The following PAQR5 variants were observed in gnomAD, a reference collection of about 807,000 sequenced individuals.
PAQR5 encodes membrane progestin receptor gamma.
A neutral mutation model predicts 34.5 loss-of-function variants in PAQR5; 20 were observed. The ratio of observed to expected loss-of-function variants is 0.58; its 90% confidence interval spans 0.41 to 0.84. The LOEUF (loss-of-function observed/expected upper bound fraction) is 0.84. PAQR5 is among the 40% of genes least tolerant of loss of function. The pLI, the probability that PAQR5 is intolerant of heterozygous loss-of-function variation, is 0.00. For missense variants in PAQR5, 378 were observed against 412.7 expected (o/e 0.92, Z 0.73); for synonymous variants, 131 against 155.6 (o/e 0.84, Z 1.18).
chr15:69,306,865 C>A (rs192119674), intron 1 of PAQR5, among the ~76,000 whole-genome samples: 2 of 152,298 alleles, frequency 1.3e-5, no homozygotes, highest in East Asian at 3.9e-4. Context: ...TGGCCCCTTG[C>A]AACCACCATC....
intron 1 of PAQR5, among the ~76,000 whole-genome samples, chr15:69,305,360 CCT>C (rs1337304090): frequency 6.6e-6 from 1 of 152,108 alleles, no homozygotes; most frequent in South Asian, 2.1e-4. Flanking sequence ...CTTTCCAGCC[CCT>C]GTTTCATGAA....
intron 2 of PAQR5, among the ~76,000 whole-genome samples, chr15:69,356,224 G>A (rs544255057): frequency 2.0e-5 from 3 of 152,280 alleles, no homozygotes; most frequent in South Asian, 2.1e-4. Flanking sequence ...TCTCTGGTGT[G>A]TTTGAGTTTC....
chr15:69,351,069 A>C (rs1217967244), intron 2 of PAQR5, among the ~76,000 whole-genome samples: 2 of 152,200 alleles, frequency 1.3e-5, no homozygotes, highest in African/African-American at 4.8e-5. Flanking sequence ...GGTCCAAGGG[A>C]ATAGACATAC....
rs546775181 is a variant in PAQR5 at position 69,393,675 on chromosome 15, G to A, written c.513-3793G>A. 2.0e-5 allele frequency among the ~76,000 whole-genome samples: 3 copies of A among 152,248 alleles called. No individual in the cohort carries two copies. In the South Asian group the frequency reaches 6.2e-4, roughly 32 times the overall value. On this transcript the variant is annotated intron_variant, in intron 6 of 8. Transcript: ENST00000395407. ...GGGAGAGAACCACCTTCCCCTCCAG[G>A]GAGGGGAAGACCTCCTGGGGGAGAC...
chr15:69,326,869 A>C (rs1484326741), intron 1 of PAQR5, among the ~76,000 whole-genome samples: 3 of 151,052 alleles, frequency 2.0e-5, no homozygotes, highest in African/African-American at 7.3e-5. Context: ...ATGATGAACA[A>C]ACATGGATGC....
intron 3 of PAQR5, among the ~76,000 whole-genome samples, chr15:69,375,188 C>T (rs1342995468): frequency 6.6e-6 from 1 of 152,186 alleles, no homozygotes; most frequent in African/African-American, 2.4e-5. Context: ...AAGGTTTGGA[C>T]AGGGGCAGTT....
intron 2 of PAQR5, among the ~76,000 whole-genome samples, chr15:69,341,920 C>A (rs2054653760): frequency 1.1e-5 from 1 of 93,162 alleles, no homozygotes; most frequent in Non-Finnish European, 2.4e-5. Context: ...AGAGTGAGAC[C>A]CTGTCTCAAA....
intron 1 of PAQR5, among the ~76,000 whole-genome samples, chr15:69,317,738 C>T (rs1219449084): frequency 6.6e-6 from 1 of 152,108 alleles, no homozygotes; most frequent in Non-Finnish European, 1.5e-5. Flanking sequence ...TTGAAATGCA[C>T]CCGGGGTGCT....
chr15:69,326,436 C>CT (rs34210567), intron 1 of PAQR5, among the ~76,000 whole-genome samples: 3,368 of 131,670 alleles, frequency 0.026, 137 homozygotes, highest in African/African-American at 0.087. Context: ...AGCTCTTTGT[C>CT]TTTTTTTTTT....
intron 4 of PAQR5, among the ~76,000 whole-genome samples, chr15:69,383,589 G>A (rs1215525769): frequency 2.9e-5 from 4 of 137,526 alleles, no homozygotes; most frequent in Non-Finnish European, 3.1e-5. Context: ...TGTGCTCATG[G>A]TGGAGGGTGA....
At chr15:69,336,728 T>G (rs1445034221) in intron 1 of PAQR5, among the ~76,000 whole-genome samples, 1 of 152,214 alleles carries the variant, frequency 6.6e-6, no homozygotes, top group Non-Finnish European at 1.5e-5. Context: ...CAGAAAACTT[T>G]CAAAAGAAAG....
At chr15:69,402,735 T>A (rs896629583) in intron 8 of PAQR5, among the ~76,000 whole-genome samples, 3 of 152,260 alleles carry the variant, frequency 2.0e-5, no homozygotes, top group Non-Finnish European at 2.9e-5. Flanking sequence ...ATTCTGGGGC[T>A]TAAGACTTCA....
chr15:69,322,691 G>GAAGAA (rs2054127874), intron 1 of PAQR5, among the ~76,000 whole-genome samples: 1 of 25,460 alleles, frequency 3.9e-5, no homozygotes, highest in Non-Finnish European at 7.2e-5. Flanking sequence ...AAGGAGAAGA[G>GAAGAA]GAAGAAGAAG....
chr15:69,365,109 T>G (rs542422029), intron 3 of PAQR5, among the ~76,000 whole-genome samples: 1 of 95,642 alleles, frequency 1.0e-5, no homozygotes, highest in South Asian at 3.7e-4. Flanking sequence ...TTTATTTTAT[T>G]TTATTTATTT....
chr15:69,375,873 T>C (rs902109273), intron 3 of PAQR5, among the ~76,000 whole-genome samples: 3 of 152,226 alleles, frequency 2.0e-5, no homozygotes, highest in Admixed American at 2.0e-4. Flanking sequence ...TCTGCCATTA[T>C]TTACTGCTGG....
intron 6 of PAQR5, chr15:69,397,197 G>A: frequency 1.7e-6 from 1 of 576,810 alleles, no homozygotes. Flanking sequence ...TTTCTGCCCA[G>A]CGCCTCCTTT....
At chr15:69,308,697 T>C (rs1037891188) in intron 1 of PAQR5, among the ~76,000 whole-genome samples, 4 of 151,966 alleles carry the variant, frequency 2.6e-5, no homozygotes, top group Non-Finnish European at 4.4e-5. Context: ...TTCCAGAAGA[T>C]AGATAAGAAT....
rs1322892853 is a variant in PAQR5 at position 69,393,442 on chromosome 15, GGC to G, written c.512+3663_512+3664del. ...CCCCAGACTTGCTGTATGGCCTCAG[GGC>G]AGTCACTGTCCACTCTGGGCCTCAG... On this transcript the variant is annotated intron_variant, in intron 6 of 8. Coordinates refer to ENST00000395407, the MANE Select transcript of PAQR5 (RefSeq NM_017705.4). Among the ~76,000 whole-genome samples, 11 of 7,070 alleles carry G rather than the reference GGC, an allele frequency of 1.6e-3. No homozygotes were observed. In the South Asian group the frequency reaches 0.1, roughly 66 times the overall value. 4.6% of individuals were successfully genotyped at this position (7,070 alleles called of 152,430 possible). A position where few individuals can be genotyped will look rare whatever the true frequency, so the allele number is the denominator to read the frequency against.
intron 3 of PAQR5, among the ~76,000 whole-genome samples, chr15:69,376,339 G>T (rs1046570049): frequency 6.6e-6 from 1 of 152,208 alleles, no homozygotes; most frequent in Non-Finnish European, 1.5e-5. Flanking sequence ...ATATTAGTTT[G>T]TCCTTTCAAT....
Sources: allele counts gnomAD v4.1 joint callset (sites outside exome capture counted in the v4.1 genomes callset), GRCh38; gene constraint gnomAD v4.1.1; transcripts MANE v1.5; gene names NCBI Gene and HGNC (gene_info 2026-07-23, HGNC 2026-07-21).